Variants in ENTPD1 observed in about 807,000 individuals in gnomAD.
ENTPD1 encodes ectonucleoside triphosphate diphosphohydrolase 1.
In ENTPD1, 33 loss-of-function variants were observed where a neutral mutation model predicts 57.0. That is an observed-to-expected ratio of 0.58 (90% CI 0.44 to 0.77). ENTPD1 has a LOEUF of 0.77. ENTPD1 is among the 30% of genes least tolerant of loss of function. The probability of loss-of-function intolerance (pLI) is 0.00; values close to 1 mark genes in which losing one functional copy is unlikely to be tolerated. For synonymous variants in ENTPD1, 202 were observed against 218.8 expected (o/e 0.92, Z 0.68); for missense variants, 501 against 603.4 (o/e 0.83, Z 1.78).
intron 1 of ENTPD1, among the ~76,000 whole-genome samples, chr10:95,737,946 G>A (rs560371457): frequency 2.2e-4 from 34 of 152,252 alleles, no homozygotes; most frequent in African/African-American, 7.5e-4. Context: ...TCATGCTGGG[G>A]TACCTGGAGC....
chr10:95,857,839 A>T (rs1016734084), intron 7 of ENTPD1, among the ~76,000 whole-genome samples: 2 of 152,182 alleles, frequency 1.3e-5, no homozygotes, highest in African/African-American at 2.4e-5. Flanking sequence ...AAACACAAAC[A>T]AAGGCAAATC....
intron 1 of ENTPD1, among the ~76,000 whole-genome samples, chr10:95,761,510 C>G (rs952009488): frequency 2.6e-5 from 4 of 152,088 alleles, no homozygotes; most frequent in Non-Finnish European, 5.9e-5. Context: ...CCAAGCTCTT[C>G]CCACCCTCTA....
At chr10:95,706,895 C>T (rs890966784), upstream of ENTPD1, among the ~76,000 whole-genome samples, 11 of 152,136 alleles carry the variant, frequency 7.2e-5, no homozygotes, top group African/African-American at 1.9e-4. Context: ...ATTCATGGCC[C>T]GGGTGTTCAG....
intron 1 of ENTPD1, chr10:95,784,949 G>C (rs972841102): frequency 6.6e-6 from 1 of 152,264 alleles, no homozygotes; most frequent in African/African-American, 2.4e-5. Flanking sequence ...GTTACCTGAG[G>C]TGATGAGGGT....
Position 95,869,596 on chromosome 10 carries a change from GCTTT to G in ENTPD1, c.*3216_*3219del, listed in dbSNP as rs892558691. 4 of 984,996 alleles carry G rather than the reference GCTTT, an allele frequency of 4.1e-6. No homozygotes were observed. Among genetic ancestry groups the G allele is most frequent in the Non-Finnish European group, 3.6e-6 (3 of 829,874 alleles). 61.0% of individuals were successfully genotyped at this position (984,996 alleles called of 1,614,324 possible). A position where few individuals can be genotyped will look rare whatever the true frequency, so the allele number is the denominator to read the frequency against. ...CAAAAGAATAATGCTACTTAATCAG[GCTTT>G]CTGTGTGACAAGAAAGAGAAAGAAA... On this transcript the variant is annotated 3_prime_UTR_variant, in exon 10 of 10. Coordinates refer to ENST00000371205, the MANE Select transcript of ENTPD1 (RefSeq NM_001776.6).
At chr10:95,749,615 A>C (rs2098009668) in intron 1 of ENTPD1, among the ~76,000 whole-genome samples, 2 of 152,172 alleles carry the variant, frequency 1.3e-5, no homozygotes, top group Non-Finnish European at 2.9e-5. Context: ...TTTAGTAAAA[A>C]CCTATAGGGA....
chr10:95,794,827 C>T (rs538063802), intron 1 of ENTPD1, among the ~76,000 whole-genome samples: 2 of 152,046 alleles, frequency 1.3e-5, no homozygotes, highest in East Asian at 1.9e-4. Flanking sequence ...AGGCAGAGTA[C>T]ATAAATTGTG....
chr10:95,768,534 CT>C (rs1454469032), intron 1 of ENTPD1, among the ~76,000 whole-genome samples: 2 of 149,194 alleles, frequency 1.3e-5, no homozygotes, highest in Non-Finnish European at 3.0e-5. Flanking sequence ...CTCCTTCCTT[CT>C]TTATTCCTTT....
chr10:95,712,590 T>A (rs2097966877), intron 1 of ENTPD1, among the ~76,000 whole-genome samples: 1 of 152,172 alleles, frequency 6.6e-6, no homozygotes, highest in Admixed American at 6.5e-5. Flanking sequence ...AAGTTCCATC[T>A]GTAAGGGGCT....
At chr10:95,712,088 C>T in intron 1 of ENTPD1, 1 of 1,557,492 alleles carries the variant, frequency 6.4e-7, no homozygotes, top group Non-Finnish European at 8.8e-7. Context: ...TCATTTTCAT[C>T]TCCAAAACCT....
chr10:95,812,548 T>A (rs993631002), intron 1 of ENTPD1, among the ~76,000 whole-genome samples: 6 of 152,246 alleles, frequency 3.9e-5, no homozygotes, highest in African/African-American at 1.4e-4. Context: ...GTTGGAAATA[T>A]CTAGGTACAT....
rs1309178659 is a variant in ENTPD1 at position 95,737,370 on chromosome 10, G to A, written c.37+25377G>A. Among the ~76,000 whole-genome samples the A allele has an allele frequency of 2.0e-5, 3 of 151,592 alleles. No individual in the cohort carries two copies. In the East Asian group the frequency reaches 5.8e-4, roughly 29 times the overall value. On this transcript the variant is annotated intron_variant, in intron 1 of 9. Coordinates refer to the ENTPD1 transcript ENST00000453258. Reference sequence around the variant, plus strand: ...GAAAAACCTCTCTGGAGAATTGACAGTAGAAAAAAAAATTAAAACTTTTTT... The same window carrying A: ...GAAAAACCTCTCTGGAGAATTGACAATAGAAAAAAAAATTAAAACTTTTTT...
intron 1 of ENTPD1, among the ~76,000 whole-genome samples, chr10:95,768,604 A>G (rs1339575151): frequency 6.7e-6 from 1 of 150,298 alleles, no homozygotes; most frequent in African/African-American, 2.5e-5. Context: ...AATTTCCTCT[A>G]TATCACTGAT....
intron 1 of ENTPD1, among the ~76,000 whole-genome samples, chr10:95,796,717 G>A (rs543406726): frequency 2.6e-5 from 4 of 152,256 alleles, no homozygotes; most frequent in Admixed American, 2.0e-4. Flanking sequence ...ATGATGTGTT[G>A]GAAGGGGAAG....
chr10:95,736,825 A>G (rs957363106), intron 1 of ENTPD1, among the ~76,000 whole-genome samples: 4 of 152,210 alleles, frequency 2.6e-5, no homozygotes, highest in Admixed American at 2.6e-4. Flanking sequence ...GCAAAAATAT[A>G]AACTTCAGCT....
chr10:95,701,029 G>A, the ENTPD1 span, among the ~76,000 whole-genome samples: 1 of 152,126 alleles, frequency 6.6e-6, no homozygotes, highest in Non-Finnish European at 1.5e-5. Flanking sequence ...CCTGGCCTCA[G>A]GTGATCTGCC....
intron 1 of ENTPD1, among the ~76,000 whole-genome samples, chr10:95,810,246 C>A (rs987938311): frequency 6.7e-6 from 1 of 148,920 alleles, no homozygotes; most frequent in African/African-American, 2.5e-5. Context: ...CTCCTCACCT[C>A]CCAGACGGGG....
intron 1 of ENTPD1, among the ~76,000 whole-genome samples, chr10:95,739,934 T>C (rs372904484): frequency 6.6e-6 from 1 of 152,352 alleles, no homozygotes; most frequent in East Asian, 1.9e-4. Context: ...ATTCATCTTC[T>C]TGTACATTTC....
chr10:95,698,870 C>T, the ENTPD1 span, among the ~76,000 whole-genome samples: 3 of 152,150 alleles, frequency 2.0e-5, no homozygotes, highest in Non-Finnish European at 4.4e-5. Flanking sequence ...CTTCAAAAAC[C>T]CTGCAGGTGG....
Sources: allele counts gnomAD v4.1 joint callset (sites outside exome capture counted in the v4.1 genomes callset), GRCh38; gene constraint gnomAD v4.1.1; transcripts MANE v1.5; gene names NCBI Gene and HGNC (gene_info 2026-07-23, HGNC 2026-07-21).